LRGUK: variants seen among roughly 807,000 people sequenced by gnomAD.
The protein encoded by LRGUK is leucine rich repeats and guanylate kinase domain containing.
Under a neutral mutation model 76.0 loss-of-function variants are expected in LRGUK, and 65 were observed. That is an observed-to-expected ratio of 0.85 (90% CI 0.70 to 1.05). The LOEUF (loss-of-function observed/expected upper bound fraction) is 1.05. LRGUK is among the 50% of genes least tolerant of loss of function. The probability of loss-of-function intolerance (pLI) is 0.00; values close to 1 mark genes in which losing one functional copy is unlikely to be tolerated. For synonymous variants in LRGUK, 268 were observed against 265.6 expected (o/e 1.01, Z -0.09); for missense variants, 758 against 732.8 (o/e 1.03, Z -0.40).
chr7:134,188,009 C>G (rs79226462), intron 11 of LRGUK, among the ~76,000 whole-genome samples: 1,597 of 152,264 alleles, frequency 0.01, 16 homozygotes, highest in Middle Eastern at 0.071. Context: ...GCAGTCTCAG[C>G]TAAGGTGTCT....
At chr7:134,231,847 C>T (rs753525517) in intron 16 of LRGUK, among the ~76,000 whole-genome samples, 5 of 148,720 alleles carry the variant, frequency 3.4e-5, no homozygotes, top group Non-Finnish European at 7.5e-5. Flanking sequence ...TTCTCTCTCC[C>T]TTCCTTCCTT....
At chr7:134,173,867 T>C (rs906452922) in intron 7 of LRGUK, among the ~76,000 whole-genome samples, 1 of 152,052 alleles carries the variant, frequency 6.6e-6, no homozygotes, top group Non-Finnish European at 1.5e-5. Flanking sequence ...TCCCAGAACT[T>C]TGGGAGGCTG....
At chr7:134,180,767 A>G (rs916727515) in intron 10 of LRGUK, among the ~76,000 whole-genome samples, 6 of 152,258 alleles carry the variant, frequency 3.9e-5, no homozygotes, top group South Asian at 4.1e-4. Flanking sequence ...CACTTTAACA[A>G]TTTTAAAGTG....
chr7:134,181,297 T>G (rs1004463270), intron 10 of LRGUK, among the ~76,000 whole-genome samples: 2 of 152,180 alleles, frequency 1.3e-5, no homozygotes, highest in African/African-American at 4.8e-5. Flanking sequence ...ATCCACACCT[T>G]TTTCCTTGAA....
chr7:134,180,310 AT>A (rs1799686011), intron 10 of LRGUK, among the ~76,000 whole-genome samples: 2 of 149,288 alleles, frequency 1.3e-5, no homozygotes, highest in Non-Finnish European at 2.9e-5. Context: ...CCATCCATCC[AT>A]CCATCCATCC....
At chr7:134,191,385 C>T (rs567214861) in intron 11 of LRGUK, among the ~76,000 whole-genome samples, 14 of 152,244 alleles carry the variant, frequency 9.2e-5, no homozygotes, top group African/African-American at 2.9e-4. Flanking sequence ...AGTATTATTA[C>T]ATGATGGCAG....
chr7:134,178,587 C>T lies in LRGUK; in HGVS notation c.1192C>T (p.Gln398Ter). ...GACCCATGTTGTCAACAGCGTGATG[C>T]AGCCGCAGAGGATCTTTGACAGGTA... Residue 398 changes from glutamine to a stop codon, truncating the protein, a stop_gained, in exon 10 of 16, where the codon CAG becomes TAG. Transcript: ENST00000645682. LOFTEE classifies it high-confidence loss of function. 1.2e-6 allele frequency: 2 copies of T among 1,612,348 alleles called. No homozygotes were observed. Among genetic ancestry groups the T allele is most frequent in the Non-Finnish European group, 1.7e-6 (2 of 1,179,202 alleles).
intron 4 of LRGUK, among the ~76,000 whole-genome samples, chr7:134,147,929 G>T (rs544377397): frequency 6.6e-6 from 1 of 152,094 alleles, no homozygotes; most frequent in South Asian, 2.1e-4. Context: ...AGTTGCGGTG[G>T]TGGGCACCTA....
exon 1 of LRGUK, chr7:134,127,424 C>G (rs1281490347): frequency 6.2e-7 from 1 of 1,613,958 alleles, no homozygotes; most frequent in Non-Finnish European, 8.5e-7. Context: ...TCCTGAGAGG[C>G]TTGGGCAGAT....
At chr7:134,201,564 G>A in exon 15 of LRGUK, 1 of 1,613,060 alleles carries the variant, frequency 6.2e-7, no homozygotes, top group Non-Finnish European at 8.5e-7. Context: ...CAAGAGTTTG[G>A]CTACAACTGC....
intron 16 of LRGUK, among the ~76,000 whole-genome samples, chr7:134,233,829 T>C (rs79935826): frequency 6.6e-6 from 1 of 152,202 alleles, no homozygotes; most frequent in African/African-American, 2.4e-5. Flanking sequence ...CCCTCTGCTC[T>C]TCGTGTCTAA....
intron 7 of LRGUK, among the ~76,000 whole-genome samples, 153 bp downstream of exon 7, chr7:134,163,693 G>A (rs1798855682): frequency 6.6e-6 from 1 of 152,184 alleles, no homozygotes; most frequent in Admixed American, 6.5e-5. Flanking sequence ...TGGAGTAGTT[G>A]CAGAAGGGTT....
exon 7 of LRGUK, chr7:134,163,521 T>G: frequency 6.2e-7 from 1 of 1,612,912 alleles, no homozygotes; most frequent in Non-Finnish European, 8.5e-7. Context: ...CTGGAAGTGA[T>G]CAACCTGGAG....
chr7:134,134,267 T>G (rs944444365), intron 1 of LRGUK, among the ~76,000 whole-genome samples: 3 of 152,090 alleles, frequency 2.0e-5, no homozygotes, highest in Admixed American at 2.0e-4. Context: ...CACTGGGGTC[T>G]GAGGTTTCCA....
chr7:134,130,702 A>T (rs1210587402), intron 1 of LRGUK, among the ~76,000 whole-genome samples: 1 of 152,232 alleles, frequency 6.6e-6, no homozygotes, highest in Non-Finnish European at 1.5e-5. Flanking sequence ...TATCATGGTC[A>T]CAATGATTAC....
chr7:134,268,270 T>C (rs1323824573), downstream of LRGUK, among the ~76,000 whole-genome samples: 2 of 152,108 alleles, frequency 1.3e-5, no homozygotes, highest in Non-Finnish European at 2.9e-5. Context: ...TTACCAATAG[T>C]ATAAATGAAA....
At chr7:134,242,000 A>G (rs1319309566) in intron 16 of LRGUK, among the ~76,000 whole-genome samples, 3 of 152,246 alleles carry the variant, frequency 2.0e-5, no homozygotes, top group Non-Finnish European at 2.9e-5. Flanking sequence ...ATGTTCTTTG[A>G]AACCAATGAG....
At chr7:134,153,709 A>C (rs1798328491) in intron 5 of LRGUK, among the ~76,000 whole-genome samples, 1 of 152,144 alleles carries the variant, frequency 6.6e-6, no homozygotes, top group Non-Finnish European at 1.5e-5. Context: ...AGTAATTACA[A>C]CTTTTGTCAC....
At chr7:134,243,121 G>A (rs548264273) in intron 16 of LRGUK, among the ~76,000 whole-genome samples, 2 of 152,140 alleles carry the variant, frequency 1.3e-5, no homozygotes, top group Non-Finnish European at 2.9e-5. Context: ...AAAACTGGAA[G>A]CATTCCCTTT....
Sources: allele counts gnomAD v4.1 joint callset (sites outside exome capture counted in the v4.1 genomes callset), GRCh38; gene constraint gnomAD v4.1.1; transcripts MANE v1.5; gene names NCBI Gene and HGNC (gene_info 2026-07-23, HGNC 2026-07-21).